The following ACAP2 variants were observed in gnomAD, a reference collection of about 807,000 sequenced individuals.
The protein encoded by ACAP2 is ArfGAP with coiled-coil, ankyrin repeat and PH domains 2, also known as arf-GAP with coiled-coil, ANK repeat and PH domain-containing protein 2.
ACAP2 carries 39 observed loss-of-function variants against 115.8 expected under a neutral mutation model. That is an observed-to-expected ratio of 0.34 (90% CI 0.26 to 0.44). ACAP2 has a LOEUF of 0.44. ACAP2 is among the 20% of genes least tolerant of loss of function. The pLI is 1.00. For synonymous variants in ACAP2, 289 were observed against 315.8 expected, an observed-to-expected ratio of 0.92 and a Z score of 0.90; for missense variants, 662 against 927.6, an observed-to-expected ratio of 0.71 and a Z score of 3.72.
intron 22 of ACAP2, among the ~76,000 whole-genome samples, chr3:195,284,685 T>C (rs1470256003): frequency 1.3e-5 from 2 of 152,194 alleles, no homozygotes; most frequent in African/African-American, 4.8e-5. Flanking sequence ...TCAAAATGTA[T>C]TTAAACAGGA....
intron 2 of ACAP2, among the ~76,000 whole-genome samples, chr3:195,383,557 A>C (rs1163427434): frequency 6.6e-6 from 1 of 152,032 alleles, no homozygotes; most frequent in African/African-American, 2.4e-5. Flanking sequence ...TCAGAAATCA[A>C]AGAGAAAAGA....
intron 4 of ACAP2, among the ~76,000 whole-genome samples, 178 bp from the exon 5 acceptor site, chr3:195,345,495 A>G (rs1405377704): frequency 1.3e-5 from 2 of 152,198 alleles, no homozygotes; most frequent in Non-Finnish European, 2.9e-5. Flanking sequence ...GATTAAGCCA[A>G]TTTCATCTCT....
intron 1 of ACAP2, among the ~76,000 whole-genome samples, chr3:195,409,347 C>G (rs1713061200): frequency 6.6e-6 from 1 of 151,752 alleles, no homozygotes; most frequent in South Asian, 2.1e-4. Flanking sequence ...ATAATAGCAT[C>G]AAAATAGTCA....
At chr3:195,362,535 A>C (rs1560287818) in intron 4 of ACAP2, among the ~76,000 whole-genome samples, 1 of 152,110 alleles carries the variant, frequency 6.6e-6, no homozygotes, top group Non-Finnish European at 1.5e-5. Context: ...ATAACCACAC[A>C]CACACACAAA....
intron 9 of ACAP2, among the ~76,000 whole-genome samples, chr3:195,322,598 G>A (rs1028251072): frequency 6.7e-6 from 1 of 149,806 alleles, no homozygotes; most frequent in African/African-American, 2.5e-5. Flanking sequence ...TTTTTCTTTG[G>A]GGGAAAAAAA....
chr3:195,342,677 A>AAACTTTTAT, intron 5 of ACAP2, 23 bp from the exon 6 acceptor site: 1 of 1,565,406 alleles, frequency 6.4e-7, no homozygotes, highest in Non-Finnish European at 8.6e-7. Flanking sequence ...AAACTTAGTG[A>AAACTTTTAT]AACTTTTATA....
Position 195,276,233 on chromosome 3 carries a change from C to T in ACAP2, c.*3095G>A, listed in dbSNP as rs1490122019. The stretch of plus-strand genomic sequence containing the variant: ...CTCATGAAGAACCAAAGTTCATATT[C>T]CAAATTAAATCTGTATGTCTGGAAA... On this transcript the variant is annotated 3_prime_UTR_variant, in exon 23 of 23. Transcript: ENST00000326793. 1 of 152,100 alleles carries T rather than the reference C, an allele frequency of 6.6e-6. No individual in the cohort carries two copies. Among genetic ancestry groups the T allele is most frequent in the Non-Finnish European group, 1.5e-5 (1 of 67,990 alleles). The allele number at this position is 152,100 out of a possible 1,614,324, so 9.4% of individuals were successfully genotyped here. A position where few individuals can be genotyped will look rare whatever the true frequency, so the allele number is the denominator to read the frequency against.
intron 2 of ACAP2, among the ~76,000 whole-genome samples, chr3:195,382,564 T>C (rs980628844): frequency 1.3e-5 from 2 of 151,468 alleles, no homozygotes; most frequent in African/African-American, 4.8e-5. Context: ...ACACAGAACA[T>C]TTTCTTTTAC....
At chr3:195,387,171 G>T (rs981010933) in intron 2 of ACAP2, among the ~76,000 whole-genome samples, 6 of 152,166 alleles carry the variant, frequency 3.9e-5, no homozygotes, top group African/African-American at 1.4e-4. Flanking sequence ...CAAAATACTT[G>T]TTAGATGACA....
chr3:195,442,377 A>AG (rs950025509), intron 1 of ACAP2: 23 of 221,318 alleles, frequency 1.0e-4, no homozygotes, highest in Non-Finnish European at 1.7e-4. Flanking sequence ...TCCCTCAAAG[A>AG]GGGGGTGGGG....
chr3:195,435,363 C>T (rs555311452), intron 1 of ACAP2, among the ~76,000 whole-genome samples: 17 of 151,868 alleles, frequency 1.1e-4, no homozygotes, highest in African/African-American at 4.1e-4. Flanking sequence ...TTAGTAGAGA[C>T]GGGGTTTCAC....
At chr3:195,393,134 GAGAGCAGCCT>G (rs1297712386) in intron 1 of ACAP2, among the ~76,000 whole-genome samples, 6 of 152,070 alleles carry the variant, frequency 3.9e-5, no homozygotes, top group Admixed American at 1.3e-4. Context: ...CCAAGAGTTC[GAGAGCAGCCT>G]AGGAAACACA....
At chr3:195,431,437 AC>A (rs1199573706) in intron 1 of ACAP2, among the ~76,000 whole-genome samples, 1 of 151,440 alleles carries the variant, frequency 6.6e-6, no homozygotes, top group African/African-American at 2.4e-5. Flanking sequence ...TCTATGTTTA[AC>A]TTTTCTTTTT....
chr3:195,321,858 C>T (rs1729477921), intron 9 of ACAP2, among the ~76,000 whole-genome samples: 1 of 152,174 alleles, frequency 6.6e-6, no homozygotes, highest in African/African-American at 2.4e-5. Flanking sequence ...AGTGATTCAC[C>T]TGCCTCAGCC....
intron 10 of ACAP2, among the ~76,000 whole-genome samples, chr3:195,312,162 C>G (rs982162630): frequency 6.6e-6 from 1 of 152,016 alleles, no homozygotes; most frequent in East Asian, 1.9e-4. Context: ...AGTCAAACTT[C>G]TAAATCTGTA....
At chr3:195,287,036 T>C (rs1726888858) in intron 21 of ACAP2, among the ~76,000 whole-genome samples, 3 of 152,240 alleles carry the variant, frequency 2.0e-5, no homozygotes, top group African/African-American at 7.2e-5. Flanking sequence ...TTTTGCTGTT[T>C]TGTTATTTTA....
intron 10 of ACAP2, among the ~76,000 whole-genome samples, chr3:195,316,556 T>C (rs1313353897): frequency 6.6e-6 from 1 of 151,776 alleles, no homozygotes; most frequent in Non-Finnish European, 1.5e-5. Flanking sequence ...CGCCACCACG[T>C]CCAGCTAATT....
In ACAP2 at chr3:195,301,853, C is replaced by A; in HGVS notation, c.1325+113G>T. 9.1e-6 allele frequency: 12 copies of A among 1,319,834 alleles called. 1 individual carries two copies. In the South Asian group the frequency reaches 1.5e-4, roughly 17 times the overall value. The allele number at this position is 1,319,834 out of a possible 1,614,324, so 81.8% of individuals were successfully genotyped here. A position where few individuals can be genotyped will look rare whatever the true frequency, so the allele number is the denominator to read the frequency against. On this transcript the variant is annotated intron_variant, in intron 14 of 22. Coordinates refer to ENST00000326793, the MANE Select transcript of ACAP2 (RefSeq NM_012287.6). ...CTACTTCTTAAAAGGTACAAAGATACAAACTGGTGATTAAATTAGGGAAGT... is the reference window on the plus strand; with the variant it reads ...CTACTTCTTAAAAGGTACAAAGATAAAAACTGGTGATTAAATTAGGGAAGT...
At chr3:195,367,747 G>A (rs779754971) in intron 4 of ACAP2, among the ~76,000 whole-genome samples, 2 of 152,220 alleles carry the variant, frequency 1.3e-5, no homozygotes, top group Non-Finnish European at 2.9e-5. Flanking sequence ...CTGCTGGGGA[G>A]AGAGGCCAAA....
Sources: allele counts gnomAD v4.1 joint callset (sites outside exome capture counted in the v4.1 genomes callset), GRCh38; gene constraint gnomAD v4.1.1; transcripts MANE v1.5; gene names NCBI Gene and HGNC (gene_info 2026-07-23, HGNC 2026-07-21).